CNTN1: variants seen among roughly 807,000 people sequenced by gnomAD.
CNTN1 encodes the protein contactin 1, also known as contactin-1.
A neutral mutation model predicts 126.4 loss-of-function variants in CNTN1; 38 were observed. The observed-to-expected ratio is 0.30, with a 90% CI of 0.23 to 0.39. The LOEUF is 0.39. Among genes scored for constraint, CNTN1 ranks in the 10% least tolerant of loss-of-function variants. The pLI is 1.00. For missense variants in CNTN1, 1,009 were observed against 1,248.4 expected, an observed-to-expected ratio of 0.81 and a Z score of 2.89; for synonymous variants, 413 against 422.6, an observed-to-expected ratio of 0.98 and a Z score of 0.28.
At position 41,070,743 on chromosome 12, in the gene CNTN1, A is replaced by AT. The variant is rs34812407; in HGVS notation, c.*717dup. ...ATAGTAAAGTTAACATACCATATAG[A>AT]TTTTTTTTTACTTTTATATTCTACT... On this transcript the variant is annotated 3_prime_UTR_variant, in exon 24 of 24. Coordinates refer to ENST00000551295, the MANE Select transcript of CNTN1 (RefSeq NM_001843.4). 0.13 allele frequency: 19,082 copies of AT among 151,452 alleles called. 1,980 individuals carry two copies. The highest frequency in any genetic ancestry group is 0.29 in the African/African-American group (11,795 of 41,274). The allele number at this position is 151,452 out of a possible 1,614,324, so 9.4% of individuals were successfully genotyped here.
At chr12:40,965,297 A>G (rs771425825) in intron 15 of CNTN1, among the ~76,000 whole-genome samples, 1 of 152,164 alleles carries the variant, frequency 6.6e-6, no homozygotes, top group Non-Finnish European at 1.5e-5. Flanking sequence ...TTTTCCATCT[A>G]CATGGTGGCA....
Position 40,829,836 on chromosome 12 carries a change from T to C in CNTN1, c.-76-78521T>C, listed in dbSNP as rs528779681. On this transcript the variant is annotated intron_variant, in intron 1 of 23. Coordinates refer to ENST00000551295, the MANE Select transcript of CNTN1 (RefSeq NM_001843.4). ...ATGCCTCCTGGCTGAGGTGGCTGAT[T>C]AACAGCTAATAAAATGGAATCTAGA... Among the ~76,000 whole-genome samples the C allele has an allele frequency of 4.8e-3, 726 of 152,240 alleles. 4 individuals are homozygous for C. Among genetic ancestry groups the C allele is most frequent in the African/African-American group, 0.016 (682 of 41,546 alleles).
At chr12:40,857,098 G>A (rs1018058600) in intron 1 of CNTN1, among the ~76,000 whole-genome samples, 5 of 152,050 alleles carry the variant, frequency 3.3e-5, no homozygotes, top group Admixed American at 3.3e-4. Context: ...GGGTTTTGTA[G>A]GCAAAAACTT....
intron 23 of CNTN1, among the ~76,000 whole-genome samples, chr12:41,063,985 C>T (rs1266933697): frequency 3.9e-5 from 6 of 152,060 alleles, no homozygotes. Flanking sequence ...ACCATCCTGG[C>T]TAGCACAGTG....
In CNTN1 at chr12:41,071,885, TG is replaced by T. The variant is rs1408743886; in HGVS notation, c.*1853del. ...TTTACTTTTGCAATGTGACCCATGT[TG>T]GGCATTTTTATATAATCAACAACTA... On this transcript the variant is annotated 3_prime_UTR_variant, in exon 24 of 24. Transcript: ENST00000551295. 4 of 152,210 alleles carry T rather than the reference TG, an allele frequency of 2.6e-5. No individual in the cohort carries two copies. Among genetic ancestry groups the T allele is most frequent in the Non-Finnish European group, 4.4e-5 (3 of 68,028 alleles). The allele number at this position is 152,210 out of a possible 1,614,324, so 9.4% of individuals were successfully genotyped here. A position where few individuals can be genotyped will look rare whatever the true frequency, so the allele number is the denominator to read the frequency against.
chr12:40,772,194 G>A (rs889630648), intron 1 of CNTN1, among the ~76,000 whole-genome samples: 19 of 151,902 alleles, frequency 1.3e-4, no homozygotes, highest in African/African-American at 2.7e-4. Flanking sequence ...CACATAATTC[G>A]GAATAAAGTT....
At chr12:40,978,177 G>T (rs183414407) in intron 15 of CNTN1, among the ~76,000 whole-genome samples, 5 of 152,150 alleles carry the variant, frequency 3.3e-5, no homozygotes, top group Admixed American at 3.3e-4. Context: ...ACGATTTTAA[G>T]AAACTTGCCC....
chr12:41,028,022 ACC>A (rs1949071113), intron 22 of CNTN1, 53 bp downstream of exon 22: 1 of 1,285,146 alleles, frequency 7.8e-7, no homozygotes, highest in Non-Finnish European at 1.1e-6. Context: ...TTTCAGTGAA[ACC>A]CAAGATGGGT....
intron 1 of CNTN1, among the ~76,000 whole-genome samples, chr12:40,871,949 T>G (rs1237675266): frequency 6.6e-6 from 1 of 152,110 alleles, no homozygotes; most frequent in Non-Finnish European, 1.5e-5. Context: ...TCCTAAAATG[T>G]GAATTTATAT....
intron 1 of CNTN1, among the ~76,000 whole-genome samples, chr12:40,793,158 C>A (rs1383273920): frequency 6.6e-6 from 1 of 152,082 alleles, no homozygotes; most frequent in African/African-American, 2.4e-5. Flanking sequence ...GAGGCTTCAT[C>A]TGAGTAACAA....
In CNTN1 at chr12:40,788,497, T is replaced by G. The variant is rs140862470; in HGVS notation, c.-77+95905T>G. Among the ~76,000 whole-genome samples, 240 of 152,240 alleles carry G rather than the reference T, an allele frequency of 1.6e-3. 3 individuals carry two copies. Among genetic ancestry groups the G allele is most frequent in the African/African-American group, 5.1e-3 (212 of 41,564 alleles). The stretch of plus-strand genomic sequence containing the variant: ...TCTCCTTTGCCTCATGGTGACCTAT[T>G]TGGGGCTCCTGATAGCCTTTCCTGC... On this transcript the variant is annotated intron_variant, in intron 1 of 23. Coordinates refer to ENST00000551295, the MANE Select transcript of CNTN1 (RefSeq NM_001843.4).
intron 1 of CNTN1, among the ~76,000 whole-genome samples, chr12:40,814,501 G>A (rs1050138752): frequency 1.3e-5 from 2 of 152,194 alleles, no homozygotes; most frequent in African/African-American, 2.4e-5. Flanking sequence ...AGATCAGATG[G>A]TTGTAGATGT....
chr12:40,810,954 A>G (rs73116757), intron 1 of CNTN1, among the ~76,000 whole-genome samples: 3,468 of 152,282 alleles, frequency 0.023, 127 homozygotes, highest in African/African-American at 0.078. Context: ...AATCAGCTAC[A>G]ACCATGGCAC....
intron 4 of CNTN1, among the ~76,000 whole-genome samples, chr12:40,919,802 T>C (rs1933496094): frequency 6.6e-6 from 1 of 152,108 alleles, no homozygotes; most frequent in Admixed American, 6.6e-5. Flanking sequence ...ATTTCATACA[T>C]GGAAATATGA....
In CNTN1 at chr12:41,029,142, G is replaced by A. The variant is rs749803924; in HGVS notation, c.2903G>A (p.Arg968Lys). The change falls in exon 23 of 24, where the codon AGA becomes AAA. Residue 968 changes from arginine to lysine, a missense_variant. Arg to Lys is a conservative substitution (Grantham distance 26, BLOSUM62 2). Transcript: ENST00000551295. ...HKHSIEVPIP[R>K]DGEYVVEVRA... is the part of the protein sequence containing the mutation. ...CACTCCATAGAAGTCCCAATCCCCA[G>A]AGATGGAGAATACGTTGTGGAGGTT... is the stretch of plus-strand genomic sequence containing the variant. 2.5e-6 allele frequency: 4 copies of A among 1,614,088 alleles called. No homozygotes were observed. Among genetic ancestry groups the A allele is most frequent in the South Asian group, 2.2e-5 (2 of 91,084 alleles).
At chr12:40,876,045 C>A (rs1299269473) in intron 1 of CNTN1, among the ~76,000 whole-genome samples, 1 of 150,878 alleles carries the variant, frequency 6.6e-6, no homozygotes, top group Non-Finnish European at 1.5e-5. Context: ...ATTTTACCAC[C>A]AATATTTTTA....
intron 18 of CNTN1, among the ~76,000 whole-genome samples, chr12:41,015,949 C>A (rs1948769407): frequency 6.6e-6 from 1 of 152,136 alleles, no homozygotes; most frequent in Admixed American, 6.5e-5. Context: ...AAACCCAAAG[C>A]CATCCTCCTA....
At chr12:40,816,023 T>G (rs772347702) in intron 1 of CNTN1, among the ~76,000 whole-genome samples, 23 of 152,200 alleles carry the variant, frequency 1.5e-4, no homozygotes, top group Non-Finnish European at 2.6e-4. Context: ...GTGGATACGT[T>G]TTTTGGTGTG....
chr12:40,911,983 A>G (rs1486054446), intron 3 of CNTN1, among the ~76,000 whole-genome samples: 1 of 152,244 alleles, frequency 6.6e-6, no homozygotes, highest in East Asian at 1.9e-4. Flanking sequence ...ATGTCTGCGA[A>G]TTACTCAGGT....
Sources: allele counts gnomAD v4.1 joint callset (sites outside exome capture counted in the v4.1 genomes callset), GRCh38; gene constraint gnomAD v4.1.1; transcripts MANE v1.5; gene names NCBI Gene and HGNC (gene_info 2026-07-23, HGNC 2026-07-21).